DCP1B: variants seen among roughly 807,000 people sequenced by gnomAD.
DCP1B encodes the protein mRNA-decapping enzyme 1B.
Under a neutral mutation model 60.5 loss-of-function variants are expected in DCP1B, and 47 were observed. The ratio of observed to expected loss-of-function variants is 0.78; its 90% confidence interval spans 0.61 to 0.99. The LOEUF is 0.99. DCP1B is among the 50% of genes least tolerant of loss of function. The pLI is 0.00. For synonymous variants in DCP1B, 267 were observed against 280.3 expected (o/e 0.95, Z 0.47); for missense variants, 725 against 756.8 (o/e 0.96, Z 0.49).
In DCP1B at chr12:1,971,739, T is replaced by A. The variant is rs1248420407; in HGVS notation, c.320-3829A>T. ...TGTAACCCTTTGATTCTTATTAGCA[T>A]GGTGCATTAGTTCATTTTGCATGTT... On this transcript the variant is annotated intron_variant, in intron 3 of 8. Coordinates refer to ENST00000280665, the MANE Select transcript of DCP1B (RefSeq NM_152640.5). The surrounding 1 kb of genome is among the most constrained non-coding windows in gnomAD (Gnocchi z 4.2). 6.6e-6 allele frequency among the ~76,000 whole-genome samples: 1 copy of A among 152,258 alleles called. No homozygotes were observed. Among genetic ancestry groups the A allele is most frequent in the East Asian group, 1.9e-4 (1 of 5,202 alleles).
intron 1 of DCP1B, among the ~76,000 whole-genome samples, chr12:2,000,074 G>A (rs929676355): frequency 6.6e-6 from 1 of 152,112 alleles, no homozygotes; most frequent in African/African-American, 2.4e-5. Flanking sequence ...GTATTAATCA[G>A]GAAAATGGCC....
intron 1 of DCP1B, among the ~76,000 whole-genome samples, chr12:2,003,959 C>A (rs1477608996): frequency 1.3e-5 from 2 of 152,198 alleles, no homozygotes; most frequent in Non-Finnish European, 2.9e-5. Flanking sequence ...TTCTCGAGCA[C>A]ATCGGTCTTC....
intron 1 of DCP1B, chr12:2,004,063 T>TA: frequency 1.6e-6 from 1 of 642,326 alleles, no homozygotes; most frequent in Non-Finnish European, 2.7e-6. Context: ...GTTAGAGATT[T>TA]AAGTCTTTTC....
intron 3 of DCP1B, among the ~76,000 whole-genome samples, chr12:1,976,035 C>A (rs776918063): frequency 1.3e-5 from 2 of 152,124 alleles, no homozygotes; most frequent in Non-Finnish European, 2.9e-5. Flanking sequence ...TCCAGAGATA[C>A]CACAAGGCTC....
At chr12:1,943,440 G>A (rs1397086195), downstream of DCP1B, among the ~76,000 whole-genome samples, 2 of 152,112 alleles carry the variant, frequency 1.3e-5, no homozygotes, top group Non-Finnish European at 2.9e-5. Context: ...CATTTTATGA[G>A]GCCAGCATCA....
chr12:1,986,598 G>C (rs2037856492), intron 3 of DCP1B, among the ~76,000 whole-genome samples: 1 of 151,988 alleles, frequency 6.6e-6, no homozygotes, highest in Non-Finnish European at 1.5e-5. Flanking sequence ...AGGGGTAGAA[G>C]AGTAAAAGGG....
At chr12:1,973,804 G>T (rs573581874) in intron 3 of DCP1B, among the ~76,000 whole-genome samples, 2 of 152,190 alleles carry the variant, frequency 1.3e-5, no homozygotes, top group East Asian at 3.9e-4. Flanking sequence ...TGCTTTGTTG[G>T]CCACTTAAAT....
chr12:2,000,347 T>A (rs1390106479), intron 1 of DCP1B, among the ~76,000 whole-genome samples: 1 of 152,214 alleles, frequency 6.6e-6, no homozygotes, highest in African/African-American at 2.4e-5. Flanking sequence ...GTATCTGACC[T>A]TGGACTGTTT....
chr12:1,951,027 T>C (rs1300081819), intron 7 of DCP1B, among the ~76,000 whole-genome samples: 1 of 152,084 alleles, frequency 6.6e-6, no homozygotes, highest in East Asian at 1.9e-4. Context: ...ATCCCAGCAC[T>C]CTGAGAGCCC....
chr12:1,959,317 A>G (rs561750655), intron 5 of DCP1B, among the ~76,000 whole-genome samples: 3 of 152,366 alleles, frequency 2.0e-5, no homozygotes, highest in Non-Finnish European at 2.9e-5. Context: ...GGAGGAAGAT[A>G]CCTGCACAAC....
At chr12:1,974,762 G>A (rs10848600) in intron 3 of DCP1B, among the ~76,000 whole-genome samples, 29,968 of 152,040 alleles carry the variant, frequency 0.2, 3,048 homozygotes, top group African/African-American at 0.24. Flanking sequence ...TTAGATGCAT[G>A]TCAGTCATTC....
At chr12:1,995,499 G>A (rs1436150907) in intron 2 of DCP1B, among the ~76,000 whole-genome samples, 1 of 152,254 alleles carries the variant, frequency 6.6e-6, no homozygotes, top group East Asian at 1.9e-4. Flanking sequence ...CGGTTCTTGG[G>A]TACTCCACTG....
intron 3 of DCP1B, among the ~76,000 whole-genome samples, chr12:1,987,186 G>C (rs2154471648): frequency 6.6e-6 from 1 of 152,286 alleles, no homozygotes; most frequent in South Asian, 2.1e-4. Context: ...CTGCTGCTAA[G>C]GAAATTATAT....
rs116088606 is a variant in DCP1B at position 1,970,446 on chromosome 12, G to A, written c.320-2536C>T. ...CCATTAACCAAGAGTTCTGGCTACC[G>A]AAAAGAGGCACCAAGATAAAATGCA... On this transcript the variant is annotated intron_variant, in intron 3 of 8. Transcript: ENST00000280665. Among the ~76,000 whole-genome samples the A allele has an allele frequency of 2.2e-3, 339 of 152,224 alleles. 1 individual carries two copies. Among genetic ancestry groups the A allele is most frequent in the African/African-American group, 7.8e-3 (324 of 41,544 alleles).
At chr12:1,957,692 TG>T (rs2030935407) in intron 5 of DCP1B, among the ~76,000 whole-genome samples, 2 of 152,366 alleles carry the variant, frequency 1.3e-5, no homozygotes, top group Admixed American at 1.3e-4. Flanking sequence ...AACTAGAAAT[TG>T]AATAGGGCGG....
chr12:1,954,883 G>T (rs1026212422), intron 6 of DCP1B, among the ~76,000 whole-genome samples: 2 of 152,174 alleles, frequency 1.3e-5, no homozygotes, highest in Non-Finnish European at 1.5e-5. Flanking sequence ...TGTTTTCTGA[G>T]ACATGGTCTT....
rs1421049879 is a variant in DCP1B at position 2,004,418 on chromosome 12, G to A, written c.14C>T (p.Ala5Val). ...CCCCTTTCCCACCAGGCCGCCTGCC[G>A]CCACGGCTGCCATCTTCCCTCCCTC... MAAVAAGGLVGKGRD... is the reference protein window; with the variant it reads MAAVVAGGLVGKGRD... The change falls in exon 1 of 9, where the codon GCG (alanine) becomes GTG (valine). Residue 5 changes from alanine to valine, a missense_variant. Physicochemically the swap from Ala to Val is moderately conservative, Grantham distance 64. Transcript: ENST00000280665. The A allele has an allele frequency of 5.0e-6, 8 of 1,609,326 alleles. No individual in the cohort carries two copies. The highest frequency in any genetic ancestry group is 6.8e-6 in the Non-Finnish European group (8 of 1,178,262).
At chr12:1,968,112 C>A (rs1348008598) in intron 3 of DCP1B, among the ~76,000 whole-genome samples, 1 of 151,986 alleles carries the variant, frequency 6.6e-6, no homozygotes, top group Non-Finnish European at 1.5e-5. Context: ...CACTTGTAAT[C>A]CCAGTACTTT....
downstream of DCP1B, among the ~76,000 whole-genome samples, chr12:1,945,619 C>T (rs2030390889): frequency 6.6e-6 from 1 of 152,200 alleles, no homozygotes; most frequent in Non-Finnish European, 1.5e-5. Flanking sequence ...ATAGCAAAGA[C>T]TTGGAACCAA....
Sources: allele counts gnomAD v4.1 joint callset (sites outside exome capture counted in the v4.1 genomes callset), GRCh38; gene constraint gnomAD v4.1.1; non-coding constraint Gnocchi (gnomAD v3.1); transcripts MANE v1.5; gene names NCBI Gene and HGNC (gene_info 2026-07-23, HGNC 2026-07-21).